The following TMEM181 variants were observed in gnomAD, a reference collection of about 807,000 sequenced individuals.
TMEM181 encodes transmembrane protein 181, also known as G protein-coupled receptor 178.
TMEM181 carries 39 observed loss-of-function variants against 71.9 expected under a neutral mutation model. The observed-to-expected ratio is 0.54, with a 90% CI of 0.42 to 0.71. The LOEUF is 0.71. TMEM181 is among the 30% of genes least tolerant of loss of function. The pLI is 0.00. For missense variants in TMEM181, 595 were observed against 583.0 expected (o/e 1.02, Z -0.21); for synonymous variants, 245 against 228.8 (o/e 1.07, Z -0.64).
At chr6:158,606,411 A>T (rs1784963386) in intron 7 of TMEM181, among the ~76,000 whole-genome samples, 1 of 152,232 alleles carries the variant, frequency 6.6e-6, no homozygotes, top group African/African-American at 2.4e-5. Flanking sequence ...GCAGCCAGAA[A>T]CACTTGCTTC....
chr6:158,586,827 C>G (rs555919326), intron 5 of TMEM181, among the ~76,000 whole-genome samples: 1 of 152,146 alleles, frequency 6.6e-6, no homozygotes, highest in Admixed American at 6.5e-5. Flanking sequence ...CCCTGCCTGC[C>G]TTAGGAAAGC....
At chr6:158,550,336 C>T (rs11968880) in intron 1 of TMEM181, among the ~76,000 whole-genome samples, 92,488 of 150,964 alleles carry the variant, frequency 0.61, 28,700 homozygotes, top group East Asian at 0.73. Context: ...TGAGCCACCA[C>T]GCCCGGCCGA....
At chr6:158,590,935 G>A (rs537270481) in intron 6 of TMEM181, among the ~76,000 whole-genome samples, 46 of 152,324 alleles carry the variant, frequency 3.0e-4, no homozygotes, top group South Asian at 2.9e-3. Flanking sequence ...TGGACATTTC[G>A]TGTGAATGGA....
At chr6:158,623,469 C>A (rs1339524226) in intron 10 of TMEM181, 81 bp from the exon 11 acceptor site, 27 of 1,018,698 alleles carry the variant, frequency 2.7e-5, no homozygotes, top group Middle Eastern at 3.2e-4. Context: ...GTAAAAAAAA[C>A]AAAAAGTCAA....
upstream of TMEM181, among the ~76,000 whole-genome samples, chr6:158,558,966 G>C (rs773063647): frequency 6.6e-6 from 1 of 152,118 alleles, no homozygotes; most frequent in South Asian, 2.1e-4. Flanking sequence ...CTTTCCCTCT[G>C]CTTATGTATG....
In TMEM181 at chr6:158,565,810, C is replaced by T. The variant is rs145780897; in HGVS notation, c.8+5578C>T. Among the ~76,000 whole-genome samples, 7 of 152,158 alleles carry T rather than the reference C, an allele frequency of 4.6e-5. No individual in the cohort carries two copies. The East Asian group carries it at 7.8e-4, about 17-fold the overall frequency. ...CTGAAAACTGGTGCAGCGTGTCCTG[C>T]GGGCGAGTGGACAGTTGCTTTCCCC... On this transcript the variant is annotated intron_variant, in intron 1 of 16. Transcript: ENST00000684151.
At chr6:158,579,876 C>A (rs1783378588) in intron 2 of TMEM181, among the ~76,000 whole-genome samples, 1 of 152,118 alleles carries the variant, frequency 6.6e-6, no homozygotes, top group Non-Finnish European at 1.5e-5. Flanking sequence ...TAGTTAAAAT[C>A]ATCAAGACAG....
chr6:158,630,841 T>C (rs1417826154), intron 15 of TMEM181, among the ~76,000 whole-genome samples: 1 of 142,372 alleles, frequency 7.0e-6, no homozygotes, highest in Non-Finnish European at 1.5e-5. Flanking sequence ...CCCCCCGACA[T>C]CTTATAGTGG....
intron 1 of TMEM181, among the ~76,000 whole-genome samples, chr6:158,538,544 G>T (rs993686629): frequency 1.3e-5 from 2 of 151,702 alleles, no homozygotes; most frequent in Non-Finnish European, 2.9e-5. Flanking sequence ...GCAAATAGTC[G>T]AGAAGAGAAC....
intron 1 of TMEM181, among the ~76,000 whole-genome samples, chr6:158,563,374 C>A (rs899137767): frequency 6.6e-6 from 1 of 152,178 alleles, no homozygotes; most frequent in Non-Finnish European, 1.5e-5. Flanking sequence ...GAACTCCTGA[C>A]CTCAGGTGAT....
intron 10 of TMEM181, among the ~76,000 whole-genome samples, chr6:158,618,296 G>A (rs1453006484): frequency 6.6e-6 from 1 of 151,184 alleles, no homozygotes; most frequent in Non-Finnish European, 1.5e-5. Flanking sequence ...GACTAGGATT[G>A]CAACCCCTGC....
intron 2 of TMEM181, among the ~76,000 whole-genome samples, chr6:158,578,179 C>G (rs1039321192): frequency 6.6e-6 from 1 of 152,158 alleles, no homozygotes; most frequent in Non-Finnish European, 1.5e-5. Context: ...TTAAGACATT[C>G]CCAGATAAAA....
chr6:158,536,824 C>G, exon 1 of TMEM181: 2 of 1,551,648 alleles, frequency 1.3e-6, no homozygotes, highest in Non-Finnish European at 1.7e-6. Context: ...ACCGCGAGCT[C>G]AAGGAGGACC....
intron 5 of TMEM181, among the ~76,000 whole-genome samples, chr6:158,587,549 T>C (rs1418471326): frequency 6.6e-6 from 1 of 152,002 alleles, no homozygotes; most frequent in Non-Finnish European, 1.5e-5. Flanking sequence ...AGGCTGGCTT[T>C]GAACTCCTGG....
At position 158,581,619 on chromosome 6, in the gene TMEM181, T is replaced by TG. The variant is rs559249550; in HGVS notation, c.168+631dup. Among the ~76,000 whole-genome samples the TG allele has an allele frequency of 4.5e-3, 677 of 150,852 alleles. 4 individuals carry two copies. The highest frequency in any genetic ancestry group is 0.013 in the African/African-American group (535 of 41,080). The stretch of plus-strand genomic sequence containing the variant: ...ATACAAAAAAATTAGCTGGGCGTGG[T>TG]GGGGGGGCGCCTGTAGTCCCAGCTA... On this transcript the variant is annotated intron_variant, in intron 3 of 16. Coordinates refer to ENST00000684151, the MANE Select transcript of TMEM181 (RefSeq NM_001376852.1).
At chr6:158,579,347 A>T (rs534549139) in intron 2 of TMEM181, among the ~76,000 whole-genome samples, 1 of 152,310 alleles carries the variant, frequency 6.6e-6, no homozygotes, top group African/African-American at 2.4e-5. Flanking sequence ...TGTGGAATCA[A>T]CCACAGTATC....
upstream of TMEM181, among the ~76,000 whole-genome samples, chr6:158,558,178 G>T (rs114075599): frequency 3.0e-3 from 464 of 152,314 alleles, 1 homozygote; most frequent in African/African-American, 0.011. Flanking sequence ...GTTTCCTCTC[G>T]CTGGAGATGC....
intron 13 of TMEM181, among the ~76,000 whole-genome samples, chr6:158,627,079 ACCCT>A (rs1786349603): frequency 1.0e-5 from 1 of 97,664 alleles, no homozygotes; most frequent in Non-Finnish European, 2.2e-5. Flanking sequence ...TCACTGACAC[ACCCT>A]CACCCTCACC....
intron 1 of TMEM181, among the ~76,000 whole-genome samples, chr6:158,553,665 A>G (rs1236967040): frequency 6.6e-6 from 1 of 152,270 alleles, no homozygotes; most frequent in African/African-American, 2.4e-5. Context: ...CACAAAACCC[A>G]TGCAACAGTA....
Sources: gnomAD v4.1 joint callset for allele counts (sites outside exome capture counted in the v4.1 genomes callset) on GRCh38, gnomAD v4.1.1 for gene constraint, MANE v1.5 for transcripts, NCBI Gene and HGNC (gene_info 2026-07-23, HGNC 2026-07-21) for gene names.